Variants in TRERF1 observed in about 807,000 individuals in gnomAD.
TRERF1 encodes transcriptional regulating factor 1.
A neutral mutation model predicts 122.9 loss-of-function variants in TRERF1; 27 were observed. That is an observed-to-expected ratio of 0.22 (90% CI 0.16 to 0.30). TRERF1 has a LOEUF of 0.30. Ranked by LOEUF, TRERF1 falls within the 10% of genes least tolerant of loss-of-function variation. The pLI is 1.00. For synonymous variants in TRERF1, 636 were observed against 641.7 expected, an observed-to-expected ratio of 0.99 and a Z score of 0.13; for missense variants, 1,248 against 1,560.3, an observed-to-expected ratio of 0.80 and a Z score of 3.37.
intron 2 of TRERF1, among the ~76,000 whole-genome samples, chr6:42,400,121 G>A (rs1005539018): frequency 1.3e-5 from 2 of 152,234 alleles, no homozygotes; most frequent in Non-Finnish European, 2.9e-5. Context: ...ACTGGATCCA[G>A]TCGTCTCCAA....
intron 2 of TRERF1, among the ~76,000 whole-genome samples, chr6:42,427,724 A>AT (rs1464618839): frequency 7.4e-6 from 1 of 135,906 alleles, no homozygotes; most frequent in Non-Finnish European, 1.6e-5. Flanking sequence ...TAATCTTTGT[A>AT]TTTTTTGTAG....
intron 2 of TRERF1, among the ~76,000 whole-genome samples, chr6:42,445,549 A>ACTTT: frequency 6.6e-6 from 1 of 152,112 alleles, no homozygotes; most frequent in East Asian, 1.9e-4. Context: ...TGACATCTCC[A>ACTTT]CTTTGAGTCT....
chr6:42,272,062 T>C (rs1780314049), intron 4 of TRERF1, among the ~76,000 whole-genome samples: 1 of 152,228 alleles, frequency 6.6e-6, no homozygotes, highest in Admixed American at 6.5e-5. Context: ...ATGTAATAGT[T>C]TTGCTTAAAA....
chr6:42,275,095 G>A lies in TRERF1; in HGVS notation c.-258-5247C>T, dbSNP rs550998971. Among the ~76,000 whole-genome samples, 25 of 152,198 alleles carry A rather than the reference G, an allele frequency of 1.6e-4. No homozygotes were observed. The highest frequency in any genetic ancestry group is 2.6e-4 in the Non-Finnish European group (18 of 68,036). On this transcript the variant is annotated intron_variant, in intron 4 of 17. Transcript: ENST00000372922. This position sits in a 1 kb window ranked among gnomAD's most constrained non-coding sequence, Gnocchi z 4.1. ...TATACAGATGGTAGCGTGCTACGCC[G>A]TGGTTTAGCATCTTGCCAAAAGGCT... is the stretch of plus-strand genomic sequence containing the variant.
rs898100870 is a variant in TRERF1, at chr6:42,437,556, C to T, written c.-454+13621G>A. Among the ~76,000 whole-genome samples the T allele has an allele frequency of 4.6e-5, 7 of 152,258 alleles. No individual in the cohort carries two copies. The East Asian group carries it at 5.8e-4, about 13-fold the overall frequency. ...AGGCTCCAAGAGTTAGCGCTATCCA[C>T]GAATAGCCCCAGAGGGTTGGCATGG... On this transcript the variant is annotated intron_variant, in intron 2 of 17. Coordinates refer to ENST00000372922, the Ensembl canonical transcript of TRERF1.
intron 2 of TRERF1, among the ~76,000 whole-genome samples, chr6:42,366,729 T>G (rs1438377745): frequency 6.6e-6 from 1 of 152,138 alleles, no homozygotes; most frequent in Non-Finnish European, 1.5e-5. Context: ...ATATTCTATT[T>G]TGGGAAATGA....
At chr6:42,336,394 C>T (rs1483289880) in intron 3 of TRERF1, among the ~76,000 whole-genome samples, 3 of 152,098 alleles carry the variant, frequency 2.0e-5, no homozygotes, top group Non-Finnish European at 4.4e-5. Flanking sequence ...TGGAGGAGCT[C>T]CTTGCTGCTC....
At chr6:42,342,981 C>T (rs1767580570) in intron 3 of TRERF1, among the ~76,000 whole-genome samples, 1 of 152,186 alleles carries the variant, frequency 6.6e-6, no homozygotes, top group African/African-American at 2.4e-5. Context: ...GGTACTCACA[C>T]ATGGCTCCCA....
intron 15 of TRERF1, among the ~76,000 whole-genome samples, chr6:42,236,871 T>C (rs552667231): frequency 6.6e-6 from 1 of 152,286 alleles, no homozygotes; most frequent in South Asian, 2.1e-4. Flanking sequence ...CTGTGCTGAT[T>C]TGTTTTAGAG....
chr6:42,396,216 G>A (rs527932665), intron 2 of TRERF1, among the ~76,000 whole-genome samples: 55 of 152,246 alleles, frequency 3.6e-4, no homozygotes, highest in Non-Finnish European at 3.7e-4. Context: ...GCCTCTGCGC[G>A]CTGAAGCTCT....
At chr6:42,290,761 T>TTG (rs1784184475) in intron 4 of TRERF1, among the ~76,000 whole-genome samples, 2 of 143,402 alleles carry the variant, frequency 1.4e-5, no homozygotes, top group African/African-American at 5.1e-5. Flanking sequence ...TTTTTTTTTT[T>TTG]TTTGAACAGA....
chr6:42,281,977 C>T (rs1380947571), intron 4 of TRERF1, among the ~76,000 whole-genome samples: 1 of 152,206 alleles, frequency 6.6e-6, no homozygotes, highest in Non-Finnish European at 1.5e-5. Flanking sequence ...TTAGGAACAT[C>T]TGTGAGAATT....
At chr6:42,328,059 G>A (rs982629146) in intron 3 of TRERF1, among the ~76,000 whole-genome samples, 2 of 147,556 alleles carry the variant, frequency 1.4e-5, no homozygotes, top group African/African-American at 5.0e-5. Flanking sequence ...AGGCTGGAGG[G>A]CAGTGGTACA....
chr6:42,296,162 G>C (rs866892504), intron 4 of TRERF1, among the ~76,000 whole-genome samples: 2 of 152,280 alleles, frequency 1.3e-5, no homozygotes, highest in Middle Eastern at 6.8e-3. Context: ...CCAAGATATG[G>C]AGTGTGGAGG....
At position 42,451,718 on chromosome 6, in the gene TRERF1, C is replaced by T. The variant is rs910729787; in HGVS notation, c.-539+303G>A. Among the ~76,000 whole-genome samples, 2 of 151,774 alleles carry T rather than the reference C, an allele frequency of 1.3e-5. No homozygotes were observed. The highest frequency in any genetic ancestry group is 1.3e-4 in the Admixed American group (2 of 15,262). ...CTCTCCTGATGCTGGAAACTTACTC[C>T]CAGATATAGCGCCCGCCAGCCCCCT... On this transcript the variant is annotated intron_variant, in intron 1 of 17. The change creates a premature stop within an existing upstream ORF in the 5' untranslated region. Transcript: ENST00000372922.
At chr6:42,420,385 C>T (rs879180511) in intron 2 of TRERF1, among the ~76,000 whole-genome samples, 1 of 152,160 alleles carries the variant, frequency 6.6e-6, no homozygotes, top group Admixed American at 6.5e-5. Context: ...ACAAAGAACC[C>T]ATCCACCAAT....
intron 2 of TRERF1, among the ~76,000 whole-genome samples, chr6:42,439,085 C>T (rs2151753925): frequency 6.6e-6 from 1 of 152,338 alleles, no homozygotes; most frequent in Middle Eastern, 3.4e-3. Context: ...AAATGGCAGG[C>T]CATGCCGTAG....
At chr6:42,348,202 TACAC>T (rs1562037024) in intron 3 of TRERF1, among the ~76,000 whole-genome samples, 1 of 145,882 alleles carries the variant, frequency 6.9e-6, no homozygotes. Flanking sequence ...CACACACACA[TACAC>T]ACACACACCC....
intron 14 of TRERF1, 27 bp downstream of exon 14, chr6:42,246,429 G>C: frequency 6.7e-7 from 1 of 1,485,474 alleles, no homozygotes; most frequent in South Asian, 1.2e-5. Context: ...TTAATTTCAA[G>C]GGGGCAATGG....
Sources: gnomAD v4.1 joint callset for allele counts (sites outside exome capture counted in the v4.1 genomes callset) on GRCh38, gnomAD v4.1.1 for gene constraint, Gnocchi (gnomAD v3.1) non-coding constraint, MANE v1.5 for transcripts, NCBI Gene and HGNC (gene_info 2026-07-23, HGNC 2026-07-21) for gene names.